C10orf67: variants seen among roughly 807,000 people sequenced by gnomAD.
C10orf67 encodes uncharacterized protein C10orf67, mitochondrial.
In C10orf67, 60 loss-of-function variants were observed where a neutral mutation model predicts 35.6. The observed-to-expected ratio is 1.68, with a 90% CI of 1.37 to 2.09. C10orf67 has a LOEUF of 2.09. C10orf67 is among the 30% of genes most tolerant of loss of function. The pLI is 0.00. For missense variants in C10orf67, 474 were observed against 330.2 expected, an observed-to-expected ratio of 1.44 and a Z score of -3.38; for synonymous variants, 167 against 115.8, an observed-to-expected ratio of 1.44 and a Z score of -2.84.
At chr10:23,265,695 C>G (rs1842868702) in intron 10 of C10orf67, among the ~76,000 whole-genome samples, 1 of 152,160 alleles carries the variant, frequency 6.6e-6, no homozygotes, top group Admixed American at 6.6e-5. Flanking sequence ...ACACAATTAG[C>G]CCACAGTGAG....
At chr10:23,310,781 T>C (rs1255761103) in intron 4 of C10orf67, among the ~76,000 whole-genome samples, 1 of 152,216 alleles carries the variant, frequency 6.6e-6, no homozygotes, top group Non-Finnish European at 1.5e-5. Context: ...TCTTTCTCTC[T>C]CCCATTTACA....
Position 23,266,396 on chromosome 10 carries a change from A to T in C10orf67, c.1066T>A (p.Ser356Thr), listed in dbSNP as rs2132196867. Residue 356 changes from serine (S) to threonine (T), a missense_variant, in exon 10 of 16, where the codon TCT (serine) becomes ACT (threonine). Transcript: ENST00000636213. ...GGAGACTTGGGCCATGGGGACAAAG[A>T]GGCTTCTCTCCCCTTGGCTGATCTT... ...VARSAKGREA[S>T]LSPWPKSPPS... 1 of 398,612 alleles carries T rather than the reference A, an allele frequency of 2.5e-6. No homozygotes were observed. Among genetic ancestry groups the T allele is most frequent in the South Asian group, 1.3e-4 (1 of 7,862 alleles). The allele number at this position is 398,612 out of a possible 1,614,324, so 24.7% of individuals were successfully genotyped here. A position where few individuals can be genotyped will look rare whatever the true frequency, so the allele number is the denominator to read the frequency against.
intron 7 of C10orf67, among the ~76,000 whole-genome samples, chr10:23,287,006 C>G (rs1843562567): frequency 6.6e-6 from 1 of 152,154 alleles, no homozygotes; most frequent in South Asian, 2.1e-4. Context: ...ACATTCCATC[C>G]TTATGGATAG....
chr10:23,202,658 T>C (rs542409298), downstream of C10orf67: 1 of 152,354 alleles, frequency 6.6e-6, no homozygotes, highest in South Asian at 2.1e-4. Context: ...CAACCTGAAA[T>C]TGGCTGAGAG....
intron 4 of C10orf67, chr10:23,316,627 C>T (rs1019546033): frequency 6.6e-6 from 1 of 152,438 alleles, no homozygotes; most frequent in Non-Finnish European, 1.5e-5. Context: ...AACAGTACAG[C>T]TTGCAGGAGA....
chr10:23,234,045 T>C (rs767984125), intron 13 of C10orf67, among the ~76,000 whole-genome samples: 1 of 152,034 alleles, frequency 6.6e-6, no homozygotes, highest in Non-Finnish European at 1.5e-5. Flanking sequence ...AGTCATGTTA[T>C]TATAAAAGAA....
intron 15 of C10orf67, among the ~76,000 whole-genome samples, chr10:23,215,541 C>T (rs753674528): frequency 6.6e-6 from 1 of 152,120 alleles, no homozygotes; most frequent in Non-Finnish European, 1.5e-5. Context: ...ATCCACCTGC[C>T]TCTGCCTCCC....
chr10:23,315,394 G>T (rs1031261500), intron 4 of C10orf67, among the ~76,000 whole-genome samples: 2 of 152,150 alleles, frequency 1.3e-5, no homozygotes, highest in Admixed American at 6.5e-5. Flanking sequence ...AGAAATTGTA[G>T]AAGACACAAA....
At chr10:23,276,299 T>C (rs1843184398) in intron 8 of C10orf67, among the ~76,000 whole-genome samples, 1 of 152,102 alleles carries the variant, frequency 6.6e-6, no homozygotes, top group Non-Finnish European at 1.5e-5. Context: ...TGTTGCTTGG[T>C]CAGTGAAATG....
At chr10:23,302,078 G>A (rs1189353935) in intron 5 of C10orf67, among the ~76,000 whole-genome samples, 1 of 152,166 alleles carries the variant, frequency 6.6e-6, no homozygotes, top group Admixed American at 6.5e-5. Flanking sequence ...CGGACCAGAA[G>A]AGTGCAGTTA....
chr10:23,267,731 C>A (rs981406221), intron 8 of C10orf67, among the ~76,000 whole-genome samples: 1 of 151,646 alleles, frequency 6.6e-6, no homozygotes, highest in Non-Finnish European at 1.5e-5. Context: ...ATGGTGAAAC[C>A]CCATCTCTAC....
chr10:23,271,742 A>G (rs1843030460), intron 8 of C10orf67, among the ~76,000 whole-genome samples: 1 of 152,196 alleles, frequency 6.6e-6, no homozygotes, highest in Non-Finnish European at 1.5e-5. Flanking sequence ...TGCCTGTTCA[A>G]ATAGCTTGGC....
intron 10 of C10orf67, among the ~76,000 whole-genome samples, chr10:23,257,836 A>C (rs1330538409): frequency 1.3e-5 from 2 of 151,652 alleles, no homozygotes; most frequent in African/African-American, 4.8e-5. Flanking sequence ...GGTCTAGTAG[A>C]GGTAACCATA....
At chr10:23,242,580 G>A (rs1466587430) in intron 12 of C10orf67, among the ~76,000 whole-genome samples, 8 of 151,806 alleles carry the variant, frequency 5.3e-5, no homozygotes, top group Admixed American at 5.3e-4. Flanking sequence ...AACCTTTCAT[G>A]GAGTTAAAAA....
intron 3 of C10orf67, among the ~76,000 whole-genome samples, chr10:23,321,601 C>T (rs1415494837): frequency 6.6e-6 from 1 of 152,132 alleles, no homozygotes; most frequent in Non-Finnish European, 1.5e-5. Flanking sequence ...GTTACTTAAC[C>T]TTGGCAAGCT....
chr10:23,203,614 A>G lies in C10orf67; in HGVS notation c.*559T>C, dbSNP rs1182766738. ...ATCCTTACCAGGAAGCAAAACTCCA[A>G]AGAGTTTCCCTACTTACTAAAGAAT... On this transcript the variant is annotated 3_prime_UTR_variant, in exon 16 of 16. Coordinates refer to ENST00000636213, the MANE Select transcript of C10orf67 (RefSeq NM_001371909.1). 1 of 152,192 alleles carries G rather than the reference A, an allele frequency of 6.6e-6. No homozygotes were observed. Among genetic ancestry groups the G allele is most frequent in the African/African-American group, 2.4e-5 (1 of 41,450 alleles). The allele number at this position is 152,192 out of a possible 1,614,324, so 9.4% of individuals were successfully genotyped here.
intron 1 of C10orf67, among the ~76,000 whole-genome samples, chr10:23,338,449 T>C (rs1321807098): frequency 6.6e-6 from 1 of 152,164 alleles, no homozygotes; most frequent in East Asian, 1.9e-4. Flanking sequence ...CTGAACTTCT[T>C]CCATCATCCT....
intron 10 of C10orf67, among the ~76,000 whole-genome samples, chr10:23,254,515 T>A (rs374721249): frequency 6.6e-6 from 1 of 152,206 alleles, no homozygotes; most frequent in Non-Finnish European, 1.5e-5. Flanking sequence ...TGGCTGTGAT[T>A]TAAAATAATT....
intron 6 of C10orf67, among the ~76,000 whole-genome samples, chr10:23,290,349 G>T (rs961326172): frequency 6.6e-6 from 1 of 152,084 alleles, no homozygotes; most frequent in Non-Finnish European, 1.5e-5. Context: ...GACTATACTG[G>T]CATGGTAGAA....
Sources: allele counts gnomAD v4.1 joint callset (sites outside exome capture counted in the v4.1 genomes callset), GRCh38; gene constraint gnomAD v4.1.1; transcripts MANE v1.5; gene names NCBI Gene and HGNC (gene_info 2026-07-23, HGNC 2026-07-21).